Variants in EGFL6 observed in about 807,000 individuals in gnomAD.
EGFL6 encodes the protein EGF like domain multiple 6.
A neutral mutation model predicts 43.1 loss-of-function variants in EGFL6; 42 were observed. The observed-to-expected ratio is 0.98, with a 90% CI of 0.76 to 1.26. EGFL6 has a LOEUF of 1.26. EGFL6 is among the 50% of genes most tolerant of loss of function. The pLI, the probability that EGFL6 is intolerant of heterozygous loss-of-function variation, is 0.00. For missense variants in EGFL6, 429 were observed against 427.8 expected, an observed-to-expected ratio of 1.00 and a Z score of -0.02; for synonymous variants, 164 against 163.2, an observed-to-expected ratio of 1.01 and a Z score of -0.04.
intron 3 of EGFL6, among the ~76,000 whole-genome samples, chrX:13,597,174 A>G (rs2045602615): frequency 8.9e-6 from 1 of 112,381 alleles, no homozygotes; most frequent in African/African-American, 3.2e-5. Context: ...CCTGGCATGA[A>G]GAAATCTTCA....
At chrX:13,606,537 CT>C (rs1602651263) in intron 6 of EGFL6, 24 bp downstream of exon 6, 41 of 1,200,421 alleles carry the variant, frequency 3.4e-5, no homozygotes, top group Non-Finnish European at 4.3e-5. Context: ...GCACCTTTTC[CT>C]TTTTTTCCTG....
Position 13,608,445 on chromosome X carries a change from T to C in EGFL6, c.777T>C (p.Ser259=), listed in dbSNP as rs746475253. 20 of 1,208,424 alleles carry C rather than the reference T, an allele frequency of 1.7e-5. No homozygotes were observed. In the South Asian group the frequency reaches 3.4e-4, roughly 20 times the overall value. ...ATAAAGGCAATGGACTTCGGTGTTCTGGTAAGTAGCATTTGGTCATGGTGT... is the reference window on the plus strand; with the variant it reads ...ATAAAGGCAATGGACTTCGGTGTTCCGGTAAGTAGCATTTGGTCATGGTGT... ...QGYKGNGLRC[S]AIPENSVKEV... Residue 259 remains serine (S), a splice_region_variant and synonymous_variant, in exon 7 of 12, where the codon TCT becomes TCC. Coordinates refer to ENST00000361306, the MANE Select transcript of EGFL6 (RefSeq NM_015507.4).
At chrX:13,631,507 C>T (rs1476372354) in intron 11 of EGFL6, among the ~76,000 whole-genome samples, 12 of 111,407 alleles carry the variant, frequency 1.1e-4, no homozygotes, top group African/African-American at 3.3e-4. Context: ...TCAGGCCGGG[C>T]GCAGTGGCTC....
chrX:13,607,575 T>TAATCCTA (rs2045667405), intron 6 of EGFL6, among the ~76,000 whole-genome samples: 1 of 111,652 alleles, frequency 9.0e-6, no homozygotes, highest in South Asian at 3.8e-4. Flanking sequence ...TATGATGCTG[T>TAATCCTA]GTTACAGAGT....
intron 3 of EGFL6, among the ~76,000 whole-genome samples, chrX:13,597,159 G>A (rs1338700148): frequency 8.9e-6 from 1 of 112,274 alleles, no homozygotes; most frequent in Non-Finnish European, 1.9e-5. Context: ...CGGAAGTTAA[G>A]AAACCCTGGC....
intron 1 of EGFL6, among the ~76,000 whole-genome samples, chrX:13,573,516 A>C (rs1381936278): frequency 4.5e-5 from 5 of 112,187 alleles, no homozygotes; most frequent in African/African-American, 1.6e-4. Flanking sequence ...TTTATATGTA[A>C]TTCATGAGCA....
intron 7 of EGFL6, among the ~76,000 whole-genome samples, chrX:13,612,735 A>G (rs1381751101): frequency 8.9e-6 from 1 of 112,471 alleles, no homozygotes; most frequent in Non-Finnish European, 1.9e-5. Context: ...ATGTACATAC[A>G]AGAGTCATAA....
intron 1 of EGFL6, among the ~76,000 whole-genome samples, chrX:13,586,484 A>G (rs766018531): frequency 3.6e-5 from 4 of 111,471 alleles, no homozygotes; most frequent in Non-Finnish European, 5.6e-5. Flanking sequence ...GGGTGTCAGC[A>G]TGGTCAGGTT....
intron 3 of EGFL6, among the ~76,000 whole-genome samples, chrX:13,599,371 G>A (rs938759334): frequency 1.4e-4 from 15 of 110,911 alleles, no homozygotes; most frequent in African/African-American, 4.9e-4. Flanking sequence ...CACTGCCAGT[G>A]AGAGAACCAT....
intron 2 of EGFL6, among the ~76,000 whole-genome samples, chrX:13,592,585 A>AT (rs1019726288): frequency 1.5e-4 from 17 of 111,513 alleles, no homozygotes; most frequent in South Asian, 3.8e-4. Flanking sequence ...ATGCCTCATT[A>AT]TTTAATAAGA....
chrX:13,590,269 G>A (rs183457393), intron 2 of EGFL6: 3 of 112,540 alleles, frequency 2.7e-5, no homozygotes, highest in African/African-American at 3.2e-5. Context: ...TAGGAACTCC[G>A]AGAGAGGCCT....
chrX:13,595,294 T>C (rs1280684385), intron 3 of EGFL6, among the ~76,000 whole-genome samples: 2 of 112,081 alleles, frequency 1.8e-5, no homozygotes, highest in Admixed American at 1.9e-4. Flanking sequence ...TATAAGTATA[T>C]TTTTATTTTT....
chrX:13,603,435 A>G lies in EGFL6; in HGVS notation c.519A>G (p.Leu173=), dbSNP rs3810723. Residue 173 remains leucine, a splice_region_variant and synonymous_variant, in exon 5 of 12, where the codon CTA becomes CTG. Coordinates refer to ENST00000361306, the MANE Select transcript of EGFL6 (RefSeq NM_015507.4). The part of the protein sequence containing the change: ...LRLAPNGRDC[L]DIDECASGKV... ...TGGCCCCAAATGGAAGAGACTGTCTAGGTACAACAGCAGGAATCACCTCTA... is the reference window on the plus strand; with the variant it reads ...TGGCCCCAAATGGAAGAGACTGTCTGGGTACAACAGCAGGAATCACCTCTA... The G allele has an allele frequency of 3.3e-6, 4 of 1,201,666 alleles. No individual in the cohort carries two copies. In the Admixed American group the frequency reaches 9.0e-5, roughly 27 times the overall value.
intron 7 of EGFL6, among the ~76,000 whole-genome samples, chrX:13,613,172 ATATATATG>A (rs2045701860): frequency 9.6e-6 from 1 of 103,850 alleles, no homozygotes; most frequent in African/African-American, 3.6e-5. Flanking sequence ...ATATATATAT[ATATATATG>A]TCATATATAT....
At chrX:13,577,333 T>C (rs1359840681) in intron 1 of EGFL6, among the ~76,000 whole-genome samples, 3 of 15,443 alleles carry the variant, frequency 1.9e-4, no homozygotes, top group African/African-American at 6.4e-4. Flanking sequence ...TATATATATA[T>C]ATATATATAC....
At chrX:13,582,312 C>T (rs184372685) in intron 1 of EGFL6, among the ~76,000 whole-genome samples, 16 of 110,475 alleles carry the variant, frequency 1.4e-4, no homozygotes, top group Middle Eastern at 4.7e-3. Context: ...CCGCCCACCT[C>T]GGCCTCCCAA....
chrX:13,600,471 G>A (rs1432795571), intron 4 of EGFL6, among the ~76,000 whole-genome samples: 1 of 107,326 alleles, frequency 9.3e-6, no homozygotes, highest in Non-Finnish European at 1.9e-5. Flanking sequence ...ATTTTTAGTA[G>A]AGATGGGGTT....
chrX:13,578,600 T>TA (rs1022844326), intron 1 of EGFL6, among the ~76,000 whole-genome samples: 6 of 110,575 alleles, frequency 5.4e-5, no homozygotes, highest in Admixed American at 9.6e-5. Flanking sequence ...TATGCAGCCA[T>TA]AAAAAATGAT....
chrX:13,608,545 C>T (rs2045673083), intron 7 of EGFL6, 99 bp downstream of exon 7: 1 of 1,011,234 alleles, frequency 9.9e-7, no homozygotes, highest in Non-Finnish European at 1.4e-6. Context: ...TTGTCTTCCT[C>T]GCCTTCTCCC....
Sources: gnomAD v4.1 joint callset for allele counts (sites outside exome capture counted in the v4.1 genomes callset) on GRCh38, gnomAD v4.1.1 for gene constraint, MANE v1.5 for transcripts, NCBI Gene and HGNC (gene_info 2026-07-23, HGNC 2026-07-21) for gene names.